The following VAT1L variants were observed in gnomAD, a reference collection of about 807,000 sequenced individuals.
The protein encoded by VAT1L is vesicle amine transport 1 like, also known as putative NADPH-dependent quinone oxidoreductase VAT1L.
In VAT1L, 34 loss-of-function variants were observed where a neutral mutation model predicts 44.1. The ratio of observed to expected loss-of-function variants is 0.77; its 90% CI spans 0.59 to 1.03. VAT1L has a LOEUF of 1.03. Ranked by LOEUF, VAT1L falls within the 50% of genes least tolerant of loss-of-function variation. The pLI, the probability that VAT1L is intolerant of heterozygous loss-of-function variation, is 0.00. For missense variants in VAT1L, 615 were observed against 538.8 expected (o/e 1.14, Z -1.40); for synonymous variants, 253 against 202.2 (o/e 1.25, Z -2.13).
intron 6 of VAT1L, among the ~76,000 whole-genome samples, chr16:77,880,024 G>C (rs1375794052): frequency 6.6e-6 from 1 of 152,124 alleles, no homozygotes; most frequent in Non-Finnish European, 1.5e-5. Context: ...CACTCTCTTG[G>C]GTGATCATGC....
At chr16:77,860,673 C>G (rs1597071306) in intron 3 of VAT1L, among the ~76,000 whole-genome samples, 1 of 152,160 alleles carries the variant, frequency 6.6e-6, no homozygotes, top group African/African-American at 2.4e-5. Flanking sequence ...AGAATTGCTG[C>G]ATTGGTTGCT....
chr16:77,818,548 C>T (rs1315566467), intron 2 of VAT1L, among the ~76,000 whole-genome samples: 1 of 152,196 alleles, frequency 6.6e-6, no homozygotes, highest in Non-Finnish European at 1.5e-5. Context: ...TCATGCAGCT[C>T]ACTCCGTTAA....
intron 7 of VAT1L, among the ~76,000 whole-genome samples, chr16:77,952,163 G>A (rs1384166135): frequency 1.3e-5 from 2 of 152,288 alleles, no homozygotes; most frequent in Non-Finnish European, 1.5e-5. Context: ...ACATTCCTGG[G>A]TTGTAGAAGA....
chr16:77,839,405 G>A (rs2016678245), intron 3 of VAT1L, among the ~76,000 whole-genome samples: 1 of 151,568 alleles, frequency 6.6e-6, no homozygotes, highest in African/African-American at 2.4e-5. Flanking sequence ...GCGTGGTGGT[G>A]GGCACCTGTA....
chr16:77,846,873 G>A (rs565278481), intron 3 of VAT1L, among the ~76,000 whole-genome samples: 1 of 142,946 alleles, frequency 7.0e-6, no homozygotes, highest in East Asian at 2.2e-4. Context: ...CCAATTCTGT[G>A]GATAAAAAAA....
intron 7 of VAT1L, among the ~76,000 whole-genome samples, chr16:77,921,702 C>T (rs948910880): frequency 6.6e-6 from 1 of 152,168 alleles, no homozygotes; most frequent in Non-Finnish European, 1.5e-5. Context: ...TACTAAGTCA[C>T]CTCAAATCCT....
chr16:77,972,042 A>G, intron 8 of VAT1L, 109 bp downstream of exon 8: 1 of 980,942 alleles, frequency 1.0e-6, no homozygotes, highest in Non-Finnish European at 1.5e-6. Flanking sequence ...CCTGTGGGCT[A>G]GTGGAGGAGA....
intron 3 of VAT1L, among the ~76,000 whole-genome samples, chr16:77,838,549 G>A (rs1482794472): frequency 6.6e-6 from 1 of 151,944 alleles, no homozygotes; most frequent in Non-Finnish European, 1.5e-5. Context: ...TCCACGACAG[G>A]ATAGAGAGAT....
At chr16:77,871,344 CGA>C (rs1226057127) in intron 4 of VAT1L, among the ~76,000 whole-genome samples, 1 of 151,998 alleles carries the variant, frequency 6.6e-6, no homozygotes, top group Non-Finnish European at 1.5e-5. Flanking sequence ...GTAGAAATGC[CGA>C]GAGAGAGGCA....
At chr16:77,825,143 A>T in intron 2 of VAT1L, 103 bp from the exon 3 acceptor site, 1 of 1,248,466 alleles carries the variant, frequency 8.0e-7, no homozygotes, top group Non-Finnish European at 1.2e-6. Context: ...CTGGGATTAT[A>T]CGCATGAGCC....
At chr16:77,840,942 A>G (rs1382954961) in intron 3 of VAT1L, among the ~76,000 whole-genome samples, 1 of 152,242 alleles carries the variant, frequency 6.6e-6, no homozygotes, top group Non-Finnish European at 1.5e-5. Flanking sequence ...TTCAAATTAC[A>G]TAAACATGCT....
At position 77,862,735 on chromosome 16, in the gene VAT1L, C is replaced by A. The variant is rs368665864; in HGVS notation, c.580-13C>A. 8.1e-6 allele frequency: 13 copies of A among 1,603,860 alleles called. No individual in the cohort carries two copies. The highest frequency in any genetic ancestry group is 1.7e-4 in the Middle Eastern group (1 of 5,986). On this transcript the variant is annotated splice_polypyrimidine_tract_variant and intron_variant, in intron 3 of 8. Transcript: ENST00000302536. Reference sequence around the variant, plus strand: ...CTCCTATGTGTGACATAGCTATTGTCTTTTCCTTCCAGGGTCAAGCTGTGG... The same window carrying A: ...CTCCTATGTGTGACATAGCTATTGTATTTTCCTTCCAGGGTCAAGCTGTGG...
chr16:77,913,019 T>G (rs2017514884), intron 7 of VAT1L, among the ~76,000 whole-genome samples: 1 of 152,100 alleles, frequency 6.6e-6, no homozygotes, highest in African/African-American at 2.4e-5. Context: ...CCTAATACCA[T>G]CACATCAGGT....
At chr16:77,933,079 A>G (rs115007711) in intron 7 of VAT1L, among the ~76,000 whole-genome samples, 1,761 of 152,324 alleles carry the variant, frequency 0.012, 36 homozygotes, top group African/African-American at 0.041. Flanking sequence ...CAGATATGGA[A>G]AAGTACAAAT....
At chr16:77,909,439 C>A (rs1388832138) in intron 7 of VAT1L, among the ~76,000 whole-genome samples, 1 of 151,970 alleles carries the variant, frequency 6.6e-6, no homozygotes, top group African/African-American at 2.4e-5. Context: ...GAGTTCGAGA[C>A]CAGCCTGGCC....
chr16:77,809,361 T>C (rs1167371262), intron 1 of VAT1L, among the ~76,000 whole-genome samples: 1 of 152,206 alleles, frequency 6.6e-6, no homozygotes, highest in South Asian at 2.1e-4. Flanking sequence ...TCAGAGAAAT[T>C]AGAAAGGCCA....
intron 7 of VAT1L, among the ~76,000 whole-genome samples, chr16:77,933,875 G>C (rs1485176559): frequency 6.6e-6 from 1 of 152,350 alleles, no homozygotes; most frequent in Admixed American, 6.5e-5. Flanking sequence ...TAAGCAGATG[G>C]TGCATAATCT....
At chr16:77,903,102 C>T (rs990613191) in intron 7 of VAT1L, among the ~76,000 whole-genome samples, 10 of 151,794 alleles carry the variant, frequency 6.6e-5, no homozygotes, top group Non-Finnish European at 1.5e-4. Flanking sequence ...GAGAATAGTC[C>T]ATCTTTGTTT....
At chr16:77,901,147 G>A (rs1014417162) in intron 7 of VAT1L, among the ~76,000 whole-genome samples, 2 of 127,884 alleles carry the variant, frequency 1.6e-5, no homozygotes, top group African/African-American at 6.3e-5. Context: ...GTGACCAGTA[G>A]TTTACCTTTT....
Sources: allele counts gnomAD v4.1 joint callset (sites outside exome capture counted in the v4.1 genomes callset), GRCh38; gene constraint gnomAD v4.1.1; transcripts MANE v1.5; gene names NCBI Gene and HGNC (gene_info 2026-07-23, HGNC 2026-07-21).